The following ETFDH variants were observed in gnomAD, a reference collection of about 807,000 sequenced individuals.
The protein encoded by ETFDH is electron transfer flavoprotein dehydrogenase.
A neutral mutation model predicts 73.2 loss-of-function variants in ETFDH; 61 were observed. The ratio of observed to expected loss-of-function variants is 0.83; its 90% CI spans 0.68 to 1.03. The LOEUF (loss-of-function observed/expected upper bound fraction) is 1.03, where lower values mean the gene tolerates loss of function less well. Ranked by LOEUF, ETFDH falls within the 50% of genes least tolerant of loss-of-function variation. The probability of loss-of-function intolerance (pLI) is 0.00; values close to 1 mark genes in which losing one functional copy is unlikely to be tolerated. For synonymous variants in ETFDH, 243 were observed against 253.3 expected, an observed-to-expected ratio of 0.96 and a Z score of 0.39; for missense variants, 685 against 745.0, an observed-to-expected ratio of 0.92 and a Z score of 0.94.
At chr4:158,703,930 C>T (rs1453004177) in intron 10 of ETFDH, among the ~76,000 whole-genome samples, 3 of 152,164 alleles carry the variant, frequency 2.0e-5, no homozygotes, top group African/African-American at 2.4e-5. Flanking sequence ...AACCCCGTCT[C>T]TACTAAAAAT....
intron 4 of ETFDH, 26 bp downstream of exon 4, chr4:158,684,699 A>G (rs1440160506): frequency 8.4e-7 from 1 of 1,193,690 alleles, no homozygotes; most frequent in East Asian, 2.3e-5. Flanking sequence ...TATGCATAGA[A>G]CTATGGAATT....
At chr4:158,683,789 G>A (rs1431144936) in intron 3 of ETFDH, among the ~76,000 whole-genome samples, 1 of 152,004 alleles carries the variant, frequency 6.6e-6, no homozygotes, top group African/African-American at 2.4e-5. Context: ...TGCCATGTGG[G>A]CTCAAAACCA....
At chr4:158,680,691 A>G (rs1435022192) in intron 2 of ETFDH, 84 bp downstream of exon 2, 3 of 1,204,614 alleles carry the variant, frequency 2.5e-6, no homozygotes, top group Non-Finnish European at 3.7e-6. Flanking sequence ...AATATTTTTC[A>G]TAATTTAAAA....
intron 1 of ETFDH, among the ~76,000 whole-genome samples, chr4:158,673,812 C>T (rs920917363): frequency 6.6e-6 from 1 of 152,144 alleles, no homozygotes; most frequent in African/African-American, 2.4e-5. Flanking sequence ...AATTCATTGC[C>T]ATTTTCGTAG....
chr4:158,699,619 G>A (rs1774406048), intron 9 of ETFDH, among the ~76,000 whole-genome samples: 1 of 152,134 alleles, frequency 6.6e-6, no homozygotes, highest in Non-Finnish European at 1.5e-5. Context: ...TAAATTCATG[G>A]ACATTTTGTT....
intron 8 of ETFDH, among the ~76,000 whole-genome samples, chr4:158,697,994 A>G (rs1398131595): frequency 2.6e-5 from 4 of 152,206 alleles, no homozygotes; most frequent in African/African-American, 9.7e-5. Flanking sequence ...CAGATGAGAA[A>G]ACTGAAGTCC....
At position 158,672,399 on chromosome 4, in the gene ETFDH, C is replaced by T; in HGVS notation, c.-58C>T. The T allele has an allele frequency of 6.3e-7, 1 of 1,593,756 alleles. No individual in the cohort carries two copies. The highest frequency in any genetic ancestry group is 8.6e-7 in the Non-Finnish European group (1 of 1,161,706). On this transcript the variant is annotated 5_prime_UTR_variant, in exon 1 of 13. Transcript: ENST00000511912. ...CGCGGCCTAGAGGTCCAGCGCCCGCCGCGAGCAGCGGACAGTCCTCCTGTT... is the reference window on the plus strand; with the variant it reads ...CGCGGCCTAGAGGTCCAGCGCCCGCTGCGAGCAGCGGACAGTCCTCCTGTT...
chr4:158,675,213 C>T (rs557787181), intron 1 of ETFDH, among the ~76,000 whole-genome samples: 3 of 152,194 alleles, frequency 2.0e-5, no homozygotes, highest in Non-Finnish European at 4.4e-5. Flanking sequence ...CCCCTTCCAG[C>T]CTTAGACAAC....
chr4:158,707,289 A>G (rs1471236036), intron 12 of ETFDH, among the ~76,000 whole-genome samples: 8 of 152,238 alleles, frequency 5.3e-5, no homozygotes, highest in African/African-American at 1.9e-4. Flanking sequence ...TTACAGTAAT[A>G]GGAACCAGGT....
At chr4:158,706,454 A>G in intron 11 of ETFDH, 83 bp downstream of exon 11, 1 of 1,255,596 alleles carries the variant, frequency 8.0e-7, no homozygotes, top group Non-Finnish European at 1.2e-6. Context: ...GATTGTTTTA[A>G]TGTTTTCAAC....
intron 4 of ETFDH, 142 bp downstream of exon 4, chr4:158,684,815 C>A: frequency 4.5e-6 from 3 of 670,274 alleles, no homozygotes; most frequent in South Asian, 3.5e-5. Flanking sequence ...ATACAGCTAG[C>A]TGGTGGGAAA....
intron 1 of ETFDH, among the ~76,000 whole-genome samples, chr4:158,678,977 A>T (rs115072787): frequency 0.012 from 1,769 of 152,100 alleles, 27 homozygotes; most frequent in African/African-American, 0.038. Flanking sequence ...CTTTGAACCT[A>T]CCCTAATAAA....
intron 3 of ETFDH, 130 bp from the exon 4 acceptor site, chr4:158,684,462 G>A (rs1773947716): frequency 1.7e-6 from 1 of 597,872 alleles, no homozygotes; most frequent in South Asian, 2.0e-5. Flanking sequence ...TTTTATAAAG[G>A]AAATGCCAAA....
intron 2 of ETFDH, among the ~76,000 whole-genome samples, chr4:158,680,842 A>G (rs1260483178): frequency 6.6e-6 from 1 of 152,198 alleles, no homozygotes; most frequent in Non-Finnish European, 1.5e-5. Flanking sequence ...ATCTTTTAGA[A>G]CATAGCTTCC....
At chr4:158,687,974 A>T (rs1034976751) in intron 5 of ETFDH, among the ~76,000 whole-genome samples, 2 of 152,196 alleles carry the variant, frequency 1.3e-5, no homozygotes, top group African/African-American at 4.8e-5. Flanking sequence ...CAGAAGGCAG[A>T]GGTTGCAGTG....
rs780104191 is a variant in ETFDH, at chr4:158,672,476, A to G, written c.20A>G (p.Lys7Arg). 3.7e-6 allele frequency: 6 copies of G among 1,614,026 alleles called. No homozygotes were observed. Among genetic ancestry groups the G allele is most frequent in the East Asian group, 4.5e-5 (2 of 44,888 alleles). Residue 7 changes from lysine (K) to arginine (R), a missense_variant, in exon 1 of 13, where the codon AAG (lysine) becomes AGG (arginine). Lys to Arg is a conservative substitution (Grantham distance 26). Coordinates refer to ENST00000511912, the MANE Select transcript of ETFDH (RefSeq NM_004453.4). MLVPLA[K>R]LSCLAYQCFH... is the part of the protein sequence containing the mutation. ...TTGAACATGCTGGTGCCGCTAGCCAAGCTGTCCTGCCTGGGTGAGAGGAAA... is the reference window on the plus strand; with the variant it reads ...TTGAACATGCTGGTGCCGCTAGCCAGGCTGTCCTGCCTGGGTGAGAGGAAA...
At chr4:158,693,645 C>T (rs952761241) in intron 6 of ETFDH, among the ~76,000 whole-genome samples, 1 of 152,090 alleles carries the variant, frequency 6.6e-6, no homozygotes, top group Non-Finnish European at 1.5e-5. Flanking sequence ...AGATCTAAAA[C>T]AATACAAATC....
At chr4:158,696,750 G>A (rs1774317914) in intron 7 of ETFDH, among the ~76,000 whole-genome samples, 2 of 152,170 alleles carry the variant, frequency 1.3e-5, no homozygotes, top group East Asian at 3.9e-4. Flanking sequence ...AATTGTGGGG[G>A]GCAGGGTAGA....
chr4:158,673,327 T>G (rs1773628631), intron 1 of ETFDH, among the ~76,000 whole-genome samples: 1 of 152,064 alleles, frequency 6.6e-6, no homozygotes, highest in Non-Finnish European at 1.5e-5. Flanking sequence ...TTAAATTAAC[T>G]CTAAGGGCTT....
Sources: allele counts gnomAD v4.1 joint callset (sites outside exome capture counted in the v4.1 genomes callset), GRCh38; gene constraint gnomAD v4.1.1; transcripts MANE v1.5; gene names NCBI Gene and HGNC (gene_info 2026-07-23, HGNC 2026-07-21).